The following ZNF174 variants were observed in gnomAD, a reference collection of about 807,000 sequenced individuals.
ZNF174 encodes the protein zinc finger protein 174.
Under a neutral mutation model 38.7 loss-of-function variants are expected in ZNF174, and 30 were observed. The observed-to-expected ratio is 0.78, with a 90% CI of 0.58 to 1.05. The LOEUF is 1.05. ZNF174 is among the 50% of genes least tolerant of loss of function. The pLI, the probability that ZNF174 is intolerant of heterozygous loss-of-function variation, is 0.00. For missense variants in ZNF174, 499 were observed against 495.6 expected, an observed-to-expected ratio of 1.01 and a Z score of -0.06; for synonymous variants, 201 against 181.7, an observed-to-expected ratio of 1.11 and a Z score of -0.86.
chr16:3,404,631 C>G lies in ZNF174; in HGVS notation c.608C>G (p.Pro203Arg), dbSNP rs1042852914. Residue 203 changes from proline to arginine, a missense_variant, in exon 2 of 3, where the codon CCC becomes CGC. Transcript: ENST00000268655. ...TCCCCACTCCTCCAAGAACCAACCC[C>G]CAAATTGGCTGGGACAGGTAAACAC... ...EKSPLLQEPT[P>R]KLAGTEAPRM... 1 of 1,614,220 alleles carries G rather than the reference C, an allele frequency of 6.2e-7. No individual in the cohort carries two copies. Among genetic ancestry groups the G allele is most frequent in the Admixed American group, 1.7e-5 (1 of 60,026 alleles).
Position 3,408,721 on chromosome 16 carries a change from G to A in ZNF174, c.1026G>A (p.Lys342=). The A allele has an allele frequency of 1.9e-6, 3 of 1,614,150 alleles. No individual in the cohort carries two copies. The highest frequency in any genetic ancestry group is 2.5e-6 in the Non-Finnish European group (3 of 1,180,020). The change falls in exon 3 of 3, where the codon AAG becomes AAA. Residue 342 remains lysine, a synonymous_variant. Transcript: ENST00000268655. ...GCTTCACGTGGAATTCAGAGCTGAA[G>A]AGACACAAGAGAGTCCACACAGGAG... is the stretch of plus-strand genomic sequence containing the variant. The part of the protein sequence containing the change: ...GKSFTWNSEL[K]RHKRVHTGER...
chr16:3,406,009 AAAATAAAT>A (rs932641232), intron 2 of ZNF174, among the ~76,000 whole-genome samples: 1 of 152,226 alleles, frequency 6.6e-6, no homozygotes, highest in Non-Finnish European at 1.5e-5. Context: ...CCCTGTCTCA[AAAATAAAT>A]AAATAAATAA....
chr16:3,405,157 C>G, intron 2 of ZNF174: 1 of 1,273,462 alleles, frequency 7.9e-7, no homozygotes, highest in Non-Finnish European at 1.0e-6. Context: ...GTCCTGTGAT[C>G]TCTAAGCCTG....
intron 1 of ZNF174, among the ~76,000 whole-genome samples, chr16:3,403,309 A>C (rs905462595): frequency 6.6e-6 from 1 of 150,854 alleles, no homozygotes; most frequent in Admixed American, 6.6e-5. Flanking sequence ...AGCTGGGTTT[A>C]CAGGTGCCTG....
In ZNF174 at chr16:3,408,826, T is replaced by C; in HGVS notation, c.1131T>C (p.Thr377=). Residue 377 remains threonine (T), a synonymous_variant, in exon 3 of 3, where the codon ACT becomes ACC. Coordinates refer to ENST00000268655, the MANE Select transcript of ZNF174 (RefSeq NM_003450.3). The stretch of plus-strand genomic sequence containing the variant: ...TGAAGCTGCACCAGAGGATCCACAC[T>C]GGAGAGAAGCCATACCAGTGTGGCC... ...STLKLHQRIH[T]GEKPYQCGQC... 1 of 1,614,126 alleles carries C rather than the reference T, an allele frequency of 6.2e-7. No homozygotes were observed. The highest frequency in any genetic ancestry group is 8.5e-7 in the Non-Finnish European group (1 of 1,180,024).
Position 3,402,051 on chromosome 16 carries a change from C to A in ZNF174, c.47C>A (p.Ser16Tyr). 6.2e-7 allele frequency: 1 copy of A among 1,613,780 alleles called. No individual in the cohort carries two copies. Among genetic ancestry groups the A allele is most frequent in the Admixed American group, 1.7e-5 (1 of 59,876 alleles). The change falls in exon 1 of 3, where the codon TCC (serine) becomes TAC (tyrosine). Residue 16 changes from serine (S) to tyrosine (Y), a missense_variant. By Grantham distance (144) the Ser-to-Tyr change is moderately radical. Transcript: ENST00000268655. ...EITLSSNTEASSKQERHIIAK... is the reference protein window; with the variant it reads ...EITLSSNTEAYSKQERHIIAK... ...ACTTTAAGCTCCAACACTGAAGCTT[C>A]CTCCAAGCAAGAGAGACACATAATA...
Position 3,401,885 on chromosome 16 carries a change from CT to C in ZNF174, c.-119del. The stretch of plus-strand genomic sequence containing the variant: ...GCTTTGTCTCTGCATCCCGTTCCCC[CT>C]AACATCCTCAGAGAACCTTCGTTTC... On this transcript the variant is annotated 5_prime_UTR_variant, in exon 1 of 3. Coordinates refer to ENST00000268655, the MANE Select transcript of ZNF174 (RefSeq NM_003450.3). 2 of 1,305,044 alleles carry C rather than the reference CT, an allele frequency of 1.5e-6. No individual in the cohort carries two copies. The highest frequency in any genetic ancestry group is 4.5e-5 in the Admixed American group (2 of 44,170). The allele number at this position is 1,305,044 out of a possible 1,614,324, so 80.8% of individuals were successfully genotyped here. A position where few individuals can be genotyped will look rare whatever the true frequency, so the allele number is the denominator to read the frequency against.
intron 2 of ZNF174, among the ~76,000 whole-genome samples, chr16:3,407,888 G>T (rs1425048322): frequency 6.6e-6 from 1 of 152,242 alleles, no homozygotes; most frequent in Non-Finnish European, 1.5e-5. Flanking sequence ...AGGGGTATTT[G>T]TTGAAATAGC....
At position 3,408,985 on chromosome 16, in the gene ZNF174, T is replaced by C. The variant is rs1013664091; in HGVS notation, c.*66T>C. 83 of 1,435,916 alleles carry C rather than the reference T, an allele frequency of 5.8e-5. No individual in the cohort carries two copies. The African/African-American group carries it at 1.1e-3, about 19-fold the overall frequency. The allele number at this position is 1,435,916 out of a possible 1,614,324, so 88.9% of individuals were successfully genotyped here. A position where few individuals can be genotyped will look rare whatever the true frequency, so the allele number is the denominator to read the frequency against. ...GTGTTTCTCCTCCCCCTTACTTGCA[T>C]GTAAATCACAAAAACTGTGTGACTT... On this transcript the variant is annotated 3_prime_UTR_variant, in exon 3 of 3. Coordinates refer to ENST00000268655, the MANE Select transcript of ZNF174 (RefSeq NM_003450.3).
At chr16:3,404,927 C>G (rs1414959023) in intron 2 of ZNF174, 1 of 1,614,002 alleles carries the variant, frequency 6.2e-7, no homozygotes, top group Non-Finnish European at 8.5e-7. Flanking sequence ...ATAGAAAAGA[C>G]AGATCCAAAT....
Position 3,402,212 on chromosome 16 carries a change from C to T in ZNF174, c.208C>T (p.Leu70Phe). 1.2e-6 allele frequency: 2 copies of T among 1,614,112 alleles called. No individual in the cohort carries two copies. Among genetic ancestry groups the T allele is most frequent in the South Asian group, 1.1e-5 (1 of 91,084 alleles). The change falls in exon 1 of 3, where the codon CTC becomes TTC. Residue 70 changes from leucine to phenylalanine, a missense_variant. Transcript: ENST00000268655. ...AGAGGCTCTCTCCCAGCTCCGACAG[C>T]TCTGCCGTCAGTGGTTGCAACCCGA... ...PQEALSQLRQ[L>F]CRQWLQPELH...
Position 3,402,035 on chromosome 16 carries a change from T to C in ZNF174, c.31T>C (p.Ser11Pro). Residue 11 changes from serine to proline, a missense_variant, in exon 1 of 3, where the codon TCC becomes CCC. By Grantham distance (74) the Ser-to-Pro change is moderately conservative. Coordinates refer to ENST00000268655, the MANE Select transcript of ZNF174 (RefSeq NM_003450.3). ...AGCTAAAATGGAGATAACTTTAAGC[T>C]CCAACACTGAAGCTTCCTCCAAGCA... MAAKMEITLS[S>P]NTEASSKQER... 1 of 1,613,474 alleles carries C rather than the reference T, an allele frequency of 6.2e-7. No homozygotes were observed.
chr16:3,404,313 C>T (rs1208824652), intron 1 of ZNF174, 113 bp from the exon 2 acceptor site: 3 of 1,071,492 alleles, frequency 2.8e-6, no homozygotes, highest in African/African-American at 3.2e-5. Context: ...TGAAAGTTGA[C>T]CTCTAGATGG....
At chr16:3,406,168 A>C (rs1180522023) in intron 2 of ZNF174, among the ~76,000 whole-genome samples, 1 of 152,136 alleles carries the variant, frequency 6.6e-6, no homozygotes, top group South Asian at 2.1e-4. Context: ...GATATATTAC[A>C]TGTTGGTTTT....
chr16:3,402,471 T>TTC, intron 1 of ZNF174, 65 bp downstream of exon 1: 1 of 1,190,318 alleles, frequency 8.4e-7, no homozygotes, highest in Non-Finnish European at 1.1e-6. Context: ...TTTTTTTTCT[T>TTC]TTTTTGAGAC....
At position 3,409,053 on chromosome 16, in the gene ZNF174, C is replaced by G. The variant is rs886987864; in HGVS notation, c.*134C>G. On this transcript the variant is annotated 3_prime_UTR_variant, in exon 3 of 3. Coordinates refer to ENST00000268655, the MANE Select transcript of ZNF174 (RefSeq NM_003450.3). ...CCCTTGAGGAATGATGATGCACATTCTGCTGTGAGGAGGCCCAGAAAAGGC... is the reference window on the plus strand; with the variant it reads ...CCCTTGAGGAATGATGATGCACATTGTGCTGTGAGGAGGCCCAGAAAAGGC... 8 of 1,041,082 alleles carry G rather than the reference C, an allele frequency of 7.7e-6. No individual in the cohort carries two copies. The African/African-American group carries it at 8.0e-5, about 10-fold the overall frequency. The allele number at this position is 1,041,082 out of a possible 1,614,324, so 64.5% of individuals were successfully genotyped here.
Position 3,408,547 on chromosome 16 carries a change from C to T in ZNF174, c.852C>T (p.Tyr284=). 2 of 1,614,182 alleles carry T rather than the reference C, an allele frequency of 1.2e-6. No individual in the cohort carries two copies. Among genetic ancestry groups the T allele is most frequent in the East Asian group, 2.2e-5 (1 of 44,878 alleles). The change falls in exon 3 of 3, where the codon TAC becomes TAT. Residue 284 remains tyrosine (Y), a synonymous_variant. Transcript: ENST00000268655. ...ACCAGAGACATTGCAGGGTGGAATA[C>T]ATCAGCAGCCCCCTAAAAAGCCACC... The part of the protein sequence containing the change: ...AHYQRHCRVE[Y]ISSPLKSHPL...
At chr16:3,406,981 G>A (rs1240552163) in intron 2 of ZNF174, among the ~76,000 whole-genome samples, 1 of 152,164 alleles carries the variant, frequency 6.6e-6, no homozygotes. Context: ...TTTGAGGTAG[G>A]GGTCTGTCAA....
At position 3,409,008 on chromosome 16, in the gene ZNF174, C is replaced by A; in HGVS notation, c.*89C>A. ...CATGTAAATCACAAAAACTGTGTGA[C>A]TTACAAGGAAAGCACGAGGCCCTTG... On this transcript the variant is annotated 3_prime_UTR_variant, in exon 3 of 3. Coordinates refer to ENST00000268655, the MANE Select transcript of ZNF174 (RefSeq NM_003450.3). 1 of 1,344,296 alleles carries A rather than the reference C, an allele frequency of 7.4e-7. No homozygotes were observed. The highest frequency in any genetic ancestry group is 1.0e-6 in the Non-Finnish European group (1 of 981,952). 83.3% of individuals were successfully genotyped at this position (1,344,296 alleles called of 1,614,324 possible).
Sources: gnomAD v4.1 joint callset for allele counts (sites outside exome capture counted in the v4.1 genomes callset) on GRCh38, gnomAD v4.1.1 for gene constraint, MANE v1.5 for transcripts, NCBI Gene and HGNC (gene_info 2026-07-23, HGNC 2026-07-21) for gene names.